TRPM2: variants seen among roughly 807,000 people sequenced by gnomAD.
TRPM2 encodes transient receptor potential cation channel subfamily M member 2, also known as estrogen-responsive element-associated gene 1 protein.
TRPM2 carries 161 observed loss-of-function variants against 174.0 expected under a neutral mutation model. That is an observed-to-expected ratio of 0.93 (90% CI 0.81 to 1.05). The LOEUF (loss-of-function observed/expected upper bound fraction) is 1.05, where lower values mean the gene tolerates loss of function less well. Among genes scored for constraint, TRPM2 ranks in the 50% least tolerant of loss-of-function variants. The probability of loss-of-function intolerance (pLI) is 0.00; values close to 1 mark genes in which losing one functional copy is unlikely to be tolerated. For missense variants in TRPM2, 2,057 were observed against 2,038.0 expected (o/e 1.01, Z -0.18); for synonymous variants, 954 against 861.3 (o/e 1.11, Z -1.88).
At position 44,438,561 on chromosome 21, in the gene TRPM2, G is replaced by A. The variant is rs1316495682; in HGVS notation, c.4168-506G>A. On this transcript the variant is annotated intron_variant, in intron 29 of 31. Coordinates refer to ENST00000397928, the MANE Select transcript of TRPM2 (RefSeq NM_003307.4). This position sits in a 1 kb window ranked among gnomAD's most constrained non-coding sequence, Gnocchi z 5.9. ...AATAGGGTGGGAAAGATGGGTGTGG[G>A]GAGGAGGAGGTGCAGGCCGGAGCTG... Among the ~76,000 whole-genome samples the A allele has an allele frequency of 6.6e-6, 1 of 152,174 alleles. No homozygotes were observed. Among genetic ancestry groups the A allele is most frequent in the African/African-American group, 2.4e-5 (1 of 41,444 alleles).
At chr21:44,441,460 G>A (rs45621035) in intron 31 of TRPM2, among the ~76,000 whole-genome samples, 1,541 of 152,294 alleles carry the variant, frequency 0.01, 24 homozygotes, top group African/African-American at 0.035. Context: ...CTTTAAATGC[G>A]GGCTAAATAG....
chr21:44,369,373 T>C, intron 5 of TRPM2, 30 bp downstream of exon 5: 1 of 1,587,110 alleles, frequency 6.3e-7, no homozygotes, highest in Non-Finnish European at 8.6e-7. Flanking sequence ...GAGGGGAGCC[T>C]AAGACCAGGG....
chr21:44,410,979 C>G (rs1050915355), intron 19 of TRPM2, among the ~76,000 whole-genome samples: 1 of 149,650 alleles, frequency 6.7e-6, no homozygotes, highest in African/African-American at 2.5e-5. Context: ...GTTTTGACCA[C>G]ACTGTCTTGG....
At chr21:44,440,387 C>T (rs115551900) in intron 30 of TRPM2, among the ~76,000 whole-genome samples, 123 of 151,666 alleles carry the variant, frequency 8.1e-4, no homozygotes, top group African/African-American at 2.6e-3. Flanking sequence ...CACCTCTATC[C>T]GGTTCCAGAA....
At position 44,439,273 on chromosome 21, in the gene TRPM2, G is replaced by C; in HGVS notation, c.4269+105G>C. ...GCCCCAGCACCACTGGGTGGCAGCG[G>C]TCCCACCCAGCTTCACCAGGTGACG... On this transcript the variant is annotated intron_variant, in intron 30 of 31. Transcript: ENST00000397928. This position sits in a 1 kb window ranked among gnomAD's most constrained non-coding sequence, Gnocchi z 5.1. 1 of 1,007,650 alleles carries C rather than the reference G, an allele frequency of 9.9e-7. No homozygotes were observed. The highest frequency in any genetic ancestry group is 1.4e-5 in the South Asian group (1 of 70,412). The allele number at this position is 1,007,650 out of a possible 1,614,324, so 62.4% of individuals were successfully genotyped here.
chr21:44,437,040 G>A, intron 28 of TRPM2, 22 bp from the exon 29 acceptor site: 3 of 1,547,586 alleles, frequency 1.9e-6, no homozygotes, highest in Non-Finnish European at 2.6e-6. Context: ...GTCCTGGGCA[G>A]CCATGGCCGC....
rs374651396 is a variant in TRPM2 at position 44,354,609 on chromosome 21, G to A, written c.166-39G>A. ...TCCAGGGGGCTGGGTGTGCTCTTTCGAATGTTGGAAGATCTCAGTGTGCTG... is the reference window on the plus strand; with the variant it reads ...TCCAGGGGGCTGGGTGTGCTCTTTCAAATGTTGGAAGATCTCAGTGTGCTG... On this transcript the variant is annotated intron_variant, in intron 1 of 31. Transcript: ENST00000397928. This position sits in a 1 kb window ranked among gnomAD's most constrained non-coding sequence, Gnocchi z 4.3. The A allele has an allele frequency of 1.9e-6, 3 of 1,583,388 alleles. No homozygotes were observed. Among genetic ancestry groups the A allele is most frequent in the Admixed American group, 1.7e-5 (1 of 59,976 alleles).
At position 44,391,107 on chromosome 21, in the gene TRPM2, G is replaced by A. The variant is rs547823379; in HGVS notation, c.1440+82G>A. On this transcript the variant is annotated intron_variant, in intron 10 of 31. Coordinates refer to ENST00000397928, the MANE Select transcript of TRPM2 (RefSeq NM_003307.4). The surrounding 1 kb of genome is among the most constrained non-coding windows in gnomAD (Gnocchi z 5.0). The stretch of plus-strand genomic sequence containing the variant: ...ACTGAAGCAAGGGCAGGCAAAGTTC[G>A]CATTGTCTGGATCCCAGCCCTTCCC... 1.8e-5 allele frequency: 29 copies of A among 1,595,608 alleles called. No homozygotes were observed. Among genetic ancestry groups the A allele is most frequent in the African/African-American group, 1.2e-4 (9 of 74,774 alleles).
In TRPM2 at chr21:44,425,732, C is replaced by T; in HGVS notation, c.3700C>T (p.Pro1234Ser). ...EPGGRKKTEE[P>S]GDSYHVNARH... Reference sequence around the variant, plus strand: ...GGGAGGCAGGAAGAAGACGGAGGAGCCGGGCGACAGCTACCACGTGAATGC... The same window carrying T: ...GGGAGGCAGGAAGAAGACGGAGGAGTCGGGCGACAGCTACCACGTGAATGC... The change falls in exon 25 of 32, where the codon CCG becomes TCG. Residue 1234 changes from proline to serine, a missense_variant. Physicochemically the swap from Pro to Ser is moderately conservative, Grantham distance 74. Coordinates refer to ENST00000397928, the MANE Select transcript of TRPM2 (RefSeq NM_003307.4). 4 of 1,580,412 alleles carry T rather than the reference C, an allele frequency of 2.5e-6. No individual in the cohort carries two copies. The highest frequency in any genetic ancestry group is 2.3e-5 in the East Asian group (1 of 43,836).
chr21:44,438,543 T>G lies in TRPM2; in HGVS notation c.4168-524T>G. ...GTGGGACTTTGAATGACAAATAGGGTGGGAAAGATGGGTGTGGGGAGGAGG... is the reference window on the plus strand; with the variant it reads ...GTGGGACTTTGAATGACAAATAGGGGGGGAAAGATGGGTGTGGGGAGGAGG... On this transcript the variant is annotated intron_variant, in intron 29 of 31. Coordinates refer to ENST00000397928, the MANE Select transcript of TRPM2 (RefSeq NM_003307.4). The surrounding 1 kb of genome is among the most constrained non-coding windows in gnomAD (Gnocchi z 5.9). Among the ~76,000 whole-genome samples the G allele has an allele frequency of 6.7e-6, 1 of 150,006 alleles. No individual in the cohort carries two copies. Among genetic ancestry groups the G allele is most frequent in the Non-Finnish European group, 1.5e-5 (1 of 67,412 alleles).
chr21:44,411,193 A>G (rs942556975), intron 19 of TRPM2, among the ~76,000 whole-genome samples: 1 of 152,146 alleles, frequency 6.6e-6, no homozygotes, highest in Admixed American at 6.6e-5. Context: ...CAGCTCATCA[A>G]TTTCTCCAAA....
chr21:44,375,199 C>A (rs529127995), intron 5 of TRPM2, among the ~76,000 whole-genome samples: 1 of 152,228 alleles, frequency 6.6e-6, no homozygotes, highest in South Asian at 2.1e-4. Flanking sequence ...CGTGAGCCAC[C>A]GCGCCCGTCT....
In TRPM2 at chr21:44,432,391, C is replaced by T. The variant is rs186726092; in HGVS notation, c.3975-2740C>T. Among the ~76,000 whole-genome samples, 76 of 152,326 alleles carry T rather than the reference C, an allele frequency of 5.0e-4. No homozygotes were observed. The highest frequency in any genetic ancestry group is 1.3e-3 in the African/African-American group (52 of 41,564). On this transcript the variant is annotated intron_variant, in intron 27 of 31. Transcript: ENST00000397928. This position sits in a 1 kb window ranked among gnomAD's most constrained non-coding sequence, Gnocchi z 4.9. ...CTCTTCTGTTCTTAGGATTATAAAT[C>T]GTACTGGGTTTAGGGCCAACCCTAT... is the stretch of plus-strand genomic sequence containing the variant.
At chr21:44,372,450 G>T (rs2048569204) in intron 5 of TRPM2, among the ~76,000 whole-genome samples, 1 of 148,222 alleles carries the variant, frequency 6.7e-6, no homozygotes, top group Non-Finnish European at 1.5e-5. Context: ...AGCCAAGGTT[G>T]TGCCACTGCA....
chr21:44,358,699 G>A (rs2048124817), intron 2 of TRPM2, among the ~76,000 whole-genome samples: 2 of 152,274 alleles, frequency 1.3e-5, no homozygotes, highest in Admixed American at 6.5e-5. Context: ...AGCAAGACGG[G>A]AGAGCTCAGG....
intron 11 of TRPM2, among the ~76,000 whole-genome samples, chr21:44,395,004 CCT>C (rs1831789200): frequency 6.6e-6 from 1 of 152,184 alleles, no homozygotes; most frequent in Admixed American, 6.5e-5. Context: ...TTCCTAGTGG[CCT>C]CTCTGCCAGA....
chr21:44,411,559 T>C (rs1484261165), intron 19 of TRPM2, among the ~76,000 whole-genome samples: 3 of 152,192 alleles, frequency 2.0e-5, no homozygotes, highest in African/African-American at 4.8e-5. Context: ...CTTTCCAAAC[T>C]GGTTGCCTTT....
rs568743144 is a variant in TRPM2 at position 44,371,726 on chromosome 21, G to A, written c.771+2383G>A. ...AAGGAAATGAGGAGCAGCACTTACCGGGTCCATGAGCAGGCCTTGATGTCT... is the reference window on the plus strand; with the variant it reads ...AAGGAAATGAGGAGCAGCACTTACCAGGTCCATGAGCAGGCCTTGATGTCT... On this transcript the variant is annotated intron_variant, in intron 5 of 31. Transcript: ENST00000397928. Among the ~76,000 whole-genome samples, 62 of 152,306 alleles carry A rather than the reference G, an allele frequency of 4.1e-4. 2 individuals are homozygous for A. The South Asian group carries it at 0.011, about 26-fold the overall frequency.
At chr21:44,408,019 C>T (rs112996843) in intron 19 of TRPM2, among the ~76,000 whole-genome samples, 79 of 151,858 alleles carry the variant, frequency 5.2e-4, no homozygotes, top group African/African-American at 1.7e-3. Flanking sequence ...AATCTTGGCT[C>T]ACTGCGACCT....
Sources: allele counts gnomAD v4.1 joint callset (sites outside exome capture counted in the v4.1 genomes callset), GRCh38; gene constraint gnomAD v4.1.1; non-coding constraint Gnocchi (gnomAD v3.1); transcripts MANE v1.5; gene names NCBI Gene and HGNC (gene_info 2026-07-23, HGNC 2026-07-21).